Variants in COX17 observed in about 807,000 individuals in gnomAD.
COX17 encodes cytochrome c oxidase copper chaperone.
A neutral mutation model predicts 6.3 loss-of-function variants in COX17; 1 was observed. That is an observed-to-expected ratio of 0.16 (90% CI 0.06 to 0.75). COX17 has a LOEUF of 0.75. Among genes scored for constraint, COX17 ranks in the 30% least tolerant of loss-of-function variants. The probability of loss-of-function intolerance (pLI) is 0.77; values close to 1 mark genes in which losing one functional copy is unlikely to be tolerated. For missense variants in COX17, 73 were observed against 81.2 expected (o/e 0.90, Z 0.39); for synonymous variants, 26 against 30.5 (o/e 0.85, Z 0.49).
chr3:119,677,134 C>A, intron 1 of COX17, 70 bp downstream of exon 1: 1 of 1,213,084 alleles, frequency 8.2e-7, no homozygotes. Context: ...GGCCGTAGGG[C>A]AGAGGCACCG....
At chr3:119,664,883 A>C (rs559709336), downstream of COX17, among the ~76,000 whole-genome samples, 124 of 152,336 alleles carry the variant, frequency 8.1e-4, no homozygotes, top group Non-Finnish European at 1.4e-3. Context: ...CAGTTTGAGA[A>C]ACACTGAGCT....
At chr3:119,672,063 T>C (rs1056479028) in intron 2 of COX17, among the ~76,000 whole-genome samples, 12 of 152,252 alleles carry the variant, frequency 7.9e-5, no homozygotes, top group African/African-American at 2.7e-4. Flanking sequence ...CAACTGAATG[T>C]CTGCTATCCA....
intron 1 of COX17, among the ~76,000 whole-genome samples, chr3:119,675,857 T>C (rs1271755844): frequency 6.6e-6 from 1 of 152,176 alleles, no homozygotes; most frequent in African/African-American, 2.4e-5. Context: ...TGACTATGGA[T>C]ATTTGGGGAG....
chr3:119,674,212 G>A lies in COX17; in HGVS notation c.*4+933C>T, dbSNP rs375685630. Among the ~76,000 whole-genome samples, 637 of 151,746 alleles carry A rather than the reference G, an allele frequency of 4.2e-3. 3 individuals carry two copies. Among genetic ancestry groups the A allele is most frequent in the African/African-American group, 0.014 (585 of 41,312 alleles). Reference sequence around the variant, plus strand: ...TGGGAAGTGAGGAGTGCCTCGGCCCGGCTTCTGCCCTGTCTGGGAAGTGAA... The same window carrying A: ...TGGGAAGTGAGGAGTGCCTCGGCCCAGCTTCTGCCCTGTCTGGGAAGTGAA... On this transcript the variant is annotated intron_variant, in intron 2 of 2. Coordinates refer to ENST00000261070, the MANE Select transcript of COX17 (RefSeq NM_005694.2).
downstream of COX17, among the ~76,000 whole-genome samples, chr3:119,668,018 T>C (rs2053009580): frequency 6.6e-6 from 1 of 152,116 alleles, no homozygotes; most frequent in Admixed American, 6.6e-5. Flanking sequence ...TATGGTTAAG[T>C]CACAGATGAA....
intron 2 of COX17, chr3:119,674,250 C>T (rs184015595): frequency 1.5e-3 from 229 of 152,468 alleles, no homozygotes; most frequent in Non-Finnish European, 2.2e-3. Context: ...GCACCACTGC[C>T]CGGCTGCCCC....
chr3:119,677,319 C>T lies in COX17; in HGVS notation c.-9G>A. ...TCAACCAGACCCGGCATCTTTCGCG[C>T]CAAAAGCAGCTATGAGCGGAGACAG... On this transcript the variant is annotated 5_prime_UTR_variant, in exon 1 of 3. Coordinates refer to ENST00000261070, the MANE Select transcript of COX17 (RefSeq NM_005694.2). 1 of 1,609,152 alleles carries T rather than the reference C, an allele frequency of 6.2e-7. No homozygotes were observed. Among genetic ancestry groups the T allele is most frequent in the Non-Finnish European group, 8.5e-7 (1 of 1,178,328 alleles).
chr3:119,666,469 C>T (rs78260436), downstream of COX17, among the ~76,000 whole-genome samples: 3,237 of 152,300 alleles, frequency 0.021, 45 homozygotes, highest in Middle Eastern at 0.071. Context: ...TTTTCTATTA[C>T]TTGCTATCAA....
At chr3:119,665,068 G>T (rs765136599), downstream of COX17, among the ~76,000 whole-genome samples, 1 of 152,166 alleles carries the variant, frequency 6.6e-6, no homozygotes, top group Non-Finnish European at 1.5e-5. Flanking sequence ...ATATGTTAAG[G>T]AAGGTGGGCT....
rs571310893 is a variant in COX17 at position 119,677,406 on chromosome 3, T to C, written c.-96A>G. ...CCGCAGTCACTTCCGGCAGTCGCTCTAAAAAGTACAGGAAGTCCTGCTTCT... is the reference window on the plus strand; with the variant it reads ...CCGCAGTCACTTCCGGCAGTCGCTCCAAAAAGTACAGGAAGTCCTGCTTCT... On this transcript the variant is annotated 5_prime_UTR_variant, in exon 1 of 3. Coordinates refer to ENST00000261070, the MANE Select transcript of COX17 (RefSeq NM_005694.2). The C allele has an allele frequency of 3.3e-5, 32 of 981,758 alleles. No individual in the cohort carries two copies. The highest frequency in any genetic ancestry group is 4.9e-5 in the Non-Finnish European group (31 of 632,488). 60.8% of individuals were successfully genotyped at this position (981,758 alleles called of 1,614,324 possible).
At chr3:119,673,944 C>T (rs111597316) in intron 2 of COX17, among the ~76,000 whole-genome samples, 183 of 150,378 alleles carry the variant, frequency 1.2e-3, no homozygotes, top group African/African-American at 4.4e-3. Context: ...CCGGCCACCC[C>T]GTCTGGGAAG....
At chr3:119,670,609 T>C (rs1240367093) in intron 2 of COX17, among the ~76,000 whole-genome samples, 1 of 152,188 alleles carries the variant, frequency 6.6e-6, no homozygotes, top group Non-Finnish European at 1.5e-5. Flanking sequence ...TCTCTGGATG[T>C]AAAGTCTTTG....
At chr3:119,675,887 A>G (rs1421134838) in intron 1 of COX17, among the ~76,000 whole-genome samples, 1 of 152,210 alleles carries the variant, frequency 6.6e-6, no homozygotes, top group Non-Finnish European at 1.5e-5. Context: ...GGTCTGAGGC[A>G]ATCGAGGCAA....
intron 2 of COX17, among the ~76,000 whole-genome samples, chr3:119,670,816 T>C (rs928125662): frequency 1.3e-5 from 2 of 151,868 alleles, no homozygotes; most frequent in Non-Finnish European, 2.9e-5. Context: ...AGCATCCAAC[T>C]GTTAAGTTGT....
rs373552751 is a variant in COX17 at position 119,677,344 on chromosome 3, G to A, written c.-34C>T. 662 of 1,569,288 alleles carry A rather than the reference G, an allele frequency of 4.2e-4. 4 individuals carry two copies. The East Asian group carries it at 0.013, about 30-fold the overall frequency. Reference sequence around the variant, plus strand: ...CCAAAAGCAGCTATGAGCGGAGACAGCCAAATCTATGCCAGCCTCGGCAAA... The same window carrying A: ...CCAAAAGCAGCTATGAGCGGAGACAACCAAATCTATGCCAGCCTCGGCAAA... On this transcript the variant is annotated 5_prime_UTR_variant, in exon 1 of 3. Coordinates refer to ENST00000261070, the MANE Select transcript of COX17 (RefSeq NM_005694.2).
rs115446703 is a variant in COX17, at chr3:119,670,479, C to T, written c.*5-814G>A. 1.5e-3 allele frequency among the ~76,000 whole-genome samples: 224 copies of T among 152,272 alleles called. 1 individual carries two copies. The highest frequency in any genetic ancestry group is 5.1e-3 in the African/African-American group (213 of 41,570). On this transcript the variant is annotated intron_variant, in intron 2 of 2. Coordinates refer to ENST00000261070, the MANE Select transcript of COX17 (RefSeq NM_005694.2). ...AAAAGTTTGGAAAGATAACCAAAAA[C>T]GAAGCCATTCAACCTTTCAATTATA... is the stretch of plus-strand genomic sequence containing the variant.
downstream of COX17, among the ~76,000 whole-genome samples, chr3:119,666,614 T>C (rs575788235): frequency 2.0e-5 from 3 of 152,354 alleles, no homozygotes; most frequent in African/African-American, 7.2e-5. Context: ...CATTCAACTT[T>C]ATATTTCTAC....
chr3:119,675,332 G>A (rs1009830994), intron 1 of COX17, 99 bp from the exon 2 acceptor site: 3 of 791,426 alleles, frequency 3.8e-6, no homozygotes, highest in Non-Finnish European at 6.4e-6. Flanking sequence ...GGGTATAATG[G>A]AATGTAGCTG....
chr3:119,667,688 TACAC>T (rs58875404), downstream of COX17, among the ~76,000 whole-genome samples: 4,172 of 136,794 alleles, frequency 0.03, 78 homozygotes, highest in African/African-American at 0.042. Context: ...GTAAAAGGTG[TACAC>T]ACACACACAC....
Sources: allele counts gnomAD v4.1 joint callset (sites outside exome capture counted in the v4.1 genomes callset), GRCh38; gene constraint gnomAD v4.1.1; transcripts MANE v1.5; gene names NCBI Gene and HGNC (gene_info 2026-07-23, HGNC 2026-07-21).